The following PCDHGA9 variants were observed in gnomAD, a reference collection of about 807,000 sequenced individuals.
PCDHGA9 encodes the protein protocadherin gamma-A9.
A neutral mutation model predicts 62.5 loss-of-function variants in PCDHGA9; 37 were observed. The observed-to-expected ratio is 0.59, with a 90% CI of 0.46 to 0.78. PCDHGA9 has a LOEUF of 0.78. Ranked by LOEUF, PCDHGA9 falls within the 30% of genes least tolerant of loss-of-function variation. PCDHGA9 has a pLI of 0.00. For synonymous variants in PCDHGA9, 459 were observed against 484.6 expected (o/e 0.95, Z 0.69); for missense variants, 1,138 against 1,166.2 (o/e 0.98, Z 0.35).
chr5:141,427,782 T>G, intron 1 of PCDHGA9: 1 of 1,459,986 alleles, frequency 6.8e-7, no homozygotes, highest in Middle Eastern at 1.7e-4. Context: ...GCGGGCACTG[T>G]CGTCCTACGT....
chr5:141,470,652 C>T (rs923672818), intron 1 of PCDHGA9, among the ~76,000 whole-genome samples: 1 of 152,100 alleles, frequency 6.6e-6, no homozygotes, highest in African/African-American at 2.4e-5. Context: ...AAGGCCCCTA[C>T]CCTTTGGTTA....
chr5:141,415,048 G>C lies in PCDHGA9; in HGVS notation c.2424+9672G>C, dbSNP rs535976406. The C allele has an allele frequency of 5.0e-5, 80 of 1,613,320 alleles. 1 individual carries two copies. The Admixed American group carries it at 6.0e-4, about 12-fold the overall frequency. ...CGAGCCGGGACTCTTCGCGGTGGGG[G>C]AGCACACGGGCGAGGTGCGCACGGC... is the stretch of plus-strand genomic sequence containing the variant. On this transcript the variant is annotated intron_variant, in intron 1 of 3. Transcript: ENST00000573521.
At chr5:141,427,770 C>T (rs775095791) in intron 1 of PCDHGA9, 2 of 1,399,194 alleles carry the variant, frequency 1.4e-6, no homozygotes, top group Non-Finnish European at 2.0e-6. Context: ...TGACTTGGAG[C>T]TGCGGGCACT....
intron 1 of PCDHGA9, among the ~76,000 whole-genome samples, chr5:141,452,648 GCTCCATCCACTGCA>G (rs2098746292): frequency 6.6e-6 from 1 of 151,930 alleles, no homozygotes; most frequent in African/African-American, 2.4e-5. Flanking sequence ...TTACTCATTT[GCTCCATCCACTGCA>G]CTCCAGCCTA....
At chr5:141,502,494 A>G (rs928571740) in intron 2 of PCDHGA9, among the ~76,000 whole-genome samples, 2 of 152,180 alleles carry the variant, frequency 1.3e-5, no homozygotes, top group South Asian at 2.1e-4. Context: ...GGACTCATCT[A>G]ACGTCGGCCT....
chr5:141,490,050 C>T lies in PCDHGA9; in HGVS notation c.2425-4757C>T, dbSNP rs1400735375. On this transcript the variant is annotated intron_variant, in intron 1 of 3. Transcript: ENST00000573521. This position sits in a 1 kb window ranked among gnomAD's most constrained non-coding sequence, Gnocchi z 5.4. ...TCCGCCTCAATGCCACTGATCCAGA[C>T]GAGGGCACCAACGGCCAACTAGACT... The T allele has an allele frequency of 1.2e-6, 2 of 1,614,224 alleles. No individual in the cohort carries two copies. The highest frequency in any genetic ancestry group is 1.7e-6 in the Non-Finnish European group (2 of 1,180,022).
At chr5:141,408,645 C>T (rs763904747) in intron 1 of PCDHGA9, 10 of 1,613,890 alleles carry the variant, frequency 6.2e-6, no homozygotes, top group Non-Finnish European at 8.5e-6. Flanking sequence ...TCTGCATCCG[C>T]TGGTACACGA....
At chr5:141,443,137 A>G (rs1202995621) in intron 1 of PCDHGA9, among the ~76,000 whole-genome samples, 1 of 152,174 alleles carries the variant, frequency 6.6e-6, no homozygotes, top group Non-Finnish European at 1.5e-5. Flanking sequence ...GAACACTATC[A>G]TAAGTTATAC....
intron 1 of PCDHGA9, chr5:141,415,466 C>T (rs1187128064): frequency 6.2e-7 from 1 of 1,614,224 alleles, no homozygotes. Flanking sequence ...GTCTCTCTCA[C>T]CGCGGACTCG....
Sources: gnomAD v4.1 joint callset for allele counts (sites outside exome capture counted in the v4.1 genomes callset) on GRCh38, gnomAD v4.1.1 for gene constraint, Gnocchi (gnomAD v3.1) non-coding constraint, MANE v1.5 for transcripts, NCBI Gene and HGNC (gene_info 2026-07-23, HGNC 2026-07-21) for gene names.